Variants in FGD4 observed in about 807,000 individuals in gnomAD.
FGD4 encodes FYVE, RhoGEF and PH domain containing 4, also known as FYVE, RhoGEF and PH domain-containing protein 4.
FGD4 carries 42 observed loss-of-function variants against 102.0 expected under a neutral mutation model. That is an observed-to-expected ratio of 0.41 (90% CI 0.32 to 0.53). FGD4 has a LOEUF of 0.53. Among genes scored for constraint, FGD4 ranks in the 20% least tolerant of loss-of-function variants. The pLI is 0.21. For synonymous variants in FGD4, 380 were observed against 375.7 expected, an observed-to-expected ratio of 1.01 and a Z score of -0.13; for missense variants, 902 against 1,078.2, an observed-to-expected ratio of 0.84 and a Z score of 2.29.
chr12:32,481,418 T>C (rs1361075681), intron 1 of FGD4, among the ~76,000 whole-genome samples: 2 of 152,244 alleles, frequency 1.3e-5, no homozygotes, highest in East Asian at 3.8e-4. Flanking sequence ...ACTGGACCTC[T>C]CTGTCATATT....
chr12:32,602,101 C>CAA, intron 6 of FGD4, 60 bp from the exon 7 acceptor site: 2 of 1,509,706 alleles, frequency 1.3e-6, no homozygotes, highest in Non-Finnish European at 1.8e-6. Context: ...GGTGACAGAA[C>CAA]AAGACCCTGT....
chr12:32,420,700 G>C (rs548541220), intron 1 of FGD4, among the ~76,000 whole-genome samples: 20 of 152,084 alleles, frequency 1.3e-4, no homozygotes, highest in Middle Eastern at 3.4e-3. Context: ...TTTCACTGTT[G>C]TCAGTCACCT....
chr12:32,622,583 T>C (rs1949909889), intron 11 of FGD4, among the ~76,000 whole-genome samples: 1 of 152,216 alleles, frequency 6.6e-6, no homozygotes, highest in Non-Finnish European at 1.5e-5. Context: ...GTGATTACTT[T>C]TGGTATGATC....
chr12:32,506,280 G>A lies in FGD4; in HGVS notation c.167-57857G>A, dbSNP rs1938723958. Among the ~76,000 whole-genome samples the A allele has an allele frequency of 6.6e-6, 1 of 151,856 alleles. No homozygotes were observed. Among genetic ancestry groups the A allele is most frequent in the Non-Finnish European group, 1.5e-5 (1 of 68,016 alleles). ...ATTTTCTCCATAATCAAAGTCATAA[G>A]AAACAGTTTGTCATTATAAATACCA... On this transcript the variant is annotated intron_variant, in intron 1 of 16. Coordinates refer to ENST00000534526, the MANE Select transcript of FGD4 (RefSeq NM_001370298.3). This position sits in a 1 kb window ranked among gnomAD's most constrained non-coding sequence, Gnocchi z 4.5.
chr12:32,515,146 A>G (rs1202406329), intron 1 of FGD4, among the ~76,000 whole-genome samples: 3 of 152,352 alleles, frequency 2.0e-5, no homozygotes, highest in Middle Eastern at 3.4e-3. Flanking sequence ...TACCAATCCC[A>G]TTTCAACAAT....
chr12:32,583,391 T>C (rs1946772095), intron 4 of FGD4, among the ~76,000 whole-genome samples: 1 of 152,100 alleles, frequency 6.6e-6, no homozygotes, highest in South Asian at 2.1e-4. Context: ...GAAGAAGAAA[T>C]AGTCCCAGAA....
intron 4 of FGD4, among the ~76,000 whole-genome samples, chr12:32,594,544 G>A (rs772865651): frequency 6.6e-6 from 1 of 152,092 alleles, no homozygotes; most frequent in African/African-American, 2.4e-5. Flanking sequence ...AAATCATCCT[G>A]AAACCATCCC....
chr12:32,561,500 T>C (rs1387634514), intron 1 of FGD4, among the ~76,000 whole-genome samples: 1 of 152,224 alleles, frequency 6.6e-6, no homozygotes, highest in Admixed American at 6.5e-5. Flanking sequence ...TTGTTTTCAA[T>C]AATTAAGGCT....
chr12:32,459,856 A>T (rs1044463646), intron 1 of FGD4, among the ~76,000 whole-genome samples: 2 of 151,870 alleles, frequency 1.3e-5, no homozygotes, highest in African/African-American at 4.8e-5. Flanking sequence ...ACGGCACTGC[A>T]TCTGGCTGAT....
intron 1 of FGD4, among the ~76,000 whole-genome samples, chr12:32,480,384 G>A (rs903685509): frequency 1.2e-4 from 18 of 151,842 alleles, no homozygotes; most frequent in Non-Finnish European, 1.8e-4. Flanking sequence ...GGATGGTCTC[G>A]ATCTCTTGTC....
At chr12:32,626,051 TA>T (rs1369630599) in intron 14 of FGD4, among the ~76,000 whole-genome samples, 1 of 152,194 alleles carries the variant, frequency 6.6e-6, no homozygotes, top group Non-Finnish European at 1.5e-5. Context: ...ATTGAGAAGT[TA>T]AAAATGGACA....
At chr12:32,457,091 CCT>C (rs1468002255) in intron 1 of FGD4, among the ~76,000 whole-genome samples, 11 of 152,120 alleles carry the variant, frequency 7.2e-5, no homozygotes, top group Non-Finnish European at 1.3e-4. Flanking sequence ...TATTTGAAAA[CCT>C]CTAGATTTTA....
At chr12:32,525,100 T>G (rs995810666) in intron 1 of FGD4, among the ~76,000 whole-genome samples, 3 of 152,198 alleles carry the variant, frequency 2.0e-5, no homozygotes, top group Non-Finnish European at 4.4e-5. Flanking sequence ...CTACTCCCTA[T>G]GCCTCCCCAC....
At chr12:32,474,214 T>C (rs1943525565) in intron 1 of FGD4, among the ~76,000 whole-genome samples, 1 of 152,116 alleles carries the variant, frequency 6.6e-6, no homozygotes, top group Non-Finnish European at 1.5e-5. Flanking sequence ...AGGTTAAACA[T>C]AGAGTTGCCA....
intron 2 of FGD4, among the ~76,000 whole-genome samples, chr12:32,573,415 G>A (rs773983268): frequency 6.6e-6 from 1 of 152,028 alleles, no homozygotes; most frequent in African/African-American, 2.4e-5. Context: ...TTTTTTTTGC[G>A]TCGTAAGTAC....
At chr12:32,429,634 C>T (rs1485874366) in intron 1 of FGD4, among the ~76,000 whole-genome samples, 2 of 152,242 alleles carry the variant, frequency 1.3e-5, no homozygotes, top group African/African-American at 4.8e-5. Flanking sequence ...CACAGCTGCC[C>T]TTTCCCCCAG....
chr12:32,555,505 G>A (rs886753215), intron 1 of FGD4, among the ~76,000 whole-genome samples: 13 of 151,800 alleles, frequency 8.6e-5, no homozygotes, highest in African/African-American at 3.1e-4. Flanking sequence ...GTGGGTGCAA[G>A]TGGGAGACGA....
intron 1 of FGD4, among the ~76,000 whole-genome samples, chr12:32,495,768 A>C (rs1457879487): frequency 6.6e-6 from 1 of 151,320 alleles, no homozygotes; most frequent in Non-Finnish European, 1.5e-5. Context: ...GCACACACAC[A>C]TTGATCTCAC....
chr12:32,473,592 C>T (rs7310497), intron 1 of FGD4, among the ~76,000 whole-genome samples: 56,635 of 151,860 alleles, frequency 0.37, 11,484 homozygotes, highest in South Asian at 0.51. Context: ...TAACACTCAC[C>T]GCGAGGGTCT....
Sources: allele counts gnomAD v4.1 joint callset (sites outside exome capture counted in the v4.1 genomes callset), GRCh38; gene constraint gnomAD v4.1.1; non-coding constraint Gnocchi (gnomAD v3.1); transcripts MANE v1.5; gene names NCBI Gene and HGNC (gene_info 2026-07-23, HGNC 2026-07-21).